DDX59: variants seen among roughly 807,000 people sequenced by gnomAD.
The protein encoded by DDX59 is probable ATP-dependent RNA helicase DDX59.
DDX59 carries 30 observed loss-of-function variants against 51.9 expected under a neutral mutation model. That is an observed-to-expected ratio of 0.58 (90% CI 0.43 to 0.78). The LOEUF (loss-of-function observed/expected upper bound fraction) is 0.78. DDX59 is among the 30% of genes least tolerant of loss of function. The pLI is 0.00. For synonymous variants in DDX59, 255 were observed against 253.3 expected, an observed-to-expected ratio of 1.01 and a Z score of -0.06; for missense variants, 672 against 730.8, an observed-to-expected ratio of 0.92 and a Z score of 0.93.
chr1:200,656,081 C>T (rs1018376527), intron 4 of DDX59, among the ~76,000 whole-genome samples: 1 of 152,200 alleles, frequency 6.6e-6, no homozygotes, highest in Non-Finnish European at 1.5e-5. Flanking sequence ...CCGCCCACCT[C>T]GGCCTCCCAA....
At chr1:200,641,659 C>T (rs1302587984), downstream of DDX59, among the ~76,000 whole-genome samples, 1 of 149,702 alleles carries the variant, frequency 6.7e-6, no homozygotes, top group Non-Finnish European at 1.5e-5. Flanking sequence ...ACCTGAGGTC[C>T]AGAGTTTGAG....
intron 2 of DDX59, among the ~76,000 whole-genome samples, chr1:200,665,686 G>A (rs1332018960): frequency 6.6e-6 from 1 of 152,032 alleles, no homozygotes; most frequent in Non-Finnish European, 1.5e-5. Flanking sequence ...AAAAGAAAAT[G>A]TTTTGTAAGG....
intron 3 of DDX59, among the ~76,000 whole-genome samples, chr1:200,659,530 G>A (rs1662246497): frequency 6.6e-6 from 1 of 152,048 alleles, no homozygotes; most frequent in Non-Finnish European, 1.5e-5. Context: ...CAAGGCACCA[G>A]GAAGGACCTT....
rs1662547403 is a variant in DDX59, at chr1:200,663,978, GCA to G, written c.911_912del (p.Val304AlafsTer20). ...GGTAAGGGTAAGCCCCCTACAAGAA[GCA>G]CAGTTTTCATGCGTGGCAGGCCACT... ...LMSGLPRMKT[V>X]LLVGGLPLPP... On this transcript the variant is annotated frameshift_variant, in exon 3 of 8. Coordinates refer to ENST00000331314, the MANE Select transcript of DDX59 (RefSeq NM_001031725.6). LOFTEE classifies it high-confidence loss of function. 6.2e-7 allele frequency: 1 copy of G among 1,614,160 alleles called. No individual in the cohort carries two copies. Among genetic ancestry groups the G allele is most frequent in the Non-Finnish European group, 8.5e-7 (1 of 1,180,018 alleles).
At chr1:200,655,357 G>A (rs12136672) in intron 4 of DDX59, among the ~76,000 whole-genome samples, 1 of 152,114 alleles carries the variant, frequency 6.6e-6, no homozygotes, top group Non-Finnish European at 1.5e-5. Context: ...TGCCTCCACC[G>A]TGTGACCCCT....
intron 4 of DDX59, among the ~76,000 whole-genome samples, chr1:200,652,170 T>C (rs908303705): frequency 1.3e-5 from 2 of 152,096 alleles, no homozygotes; most frequent in African/African-American, 4.8e-5. Flanking sequence ...GGGTGTTTGT[T>C]TTGAGACAGG....
chr1:200,648,394 A>G, intron 7 of DDX59, 45 bp downstream of exon 7: 4 of 1,607,632 alleles, frequency 2.5e-6, no homozygotes, highest in Non-Finnish European at 3.4e-6. Context: ...GCCTTTCCCA[A>G]TAAAACTCGT....
At chr1:200,669,745 C>G (rs1403669072) in intron 1 of DDX59, 22 bp downstream of exon 1, 1 of 152,450 alleles carries the variant, frequency 6.6e-6, no homozygotes, top group Non-Finnish European at 1.5e-5. Flanking sequence ...GCCAGGGGCC[C>G]AAGCTTCCGG....
In DDX59 at chr1:200,660,081, A is replaced by G. The variant is rs989183102; in HGVS notation, c.973-965T>C. ...TACTGTTGGCCAGTATTTAACTTCT[A>G]TTGTATTTTGAAACCTACAGGTTGT... On this transcript the variant is annotated intron_variant, in intron 3 of 7. Coordinates refer to ENST00000331314, the MANE Select transcript of DDX59 (RefSeq NM_001031725.6). Among the ~76,000 whole-genome samples, 5 of 151,968 alleles carry G rather than the reference A, an allele frequency of 3.3e-5. 1 individual carries two copies. Among genetic ancestry groups the G allele is most frequent in the Non-Finnish European group, 7.4e-5 (5 of 67,994 alleles).
At position 200,666,500 on chromosome 1, in the gene DDX59, C is replaced by T. The variant is rs373594365; in HGVS notation, c.241G>A (p.Ala81Thr). 6.2e-7 allele frequency: 1 copy of T among 1,614,210 alleles called. No individual in the cohort carries two copies. The highest frequency in any genetic ancestry group is 8.5e-7 in the Non-Finnish European group (1 of 1,180,038). Residue 81 changes from alanine (A) to threonine (T), a missense_variant, in exon 2 of 8, where the codon GCG becomes ACG. Ala to Thr is a moderately conservative substitution (Grantham distance 58, BLOSUM62 0). Transcript: ENST00000331314. ...TCTTCAGAAGGATGGCTGTCCTTCG[C>T]ACCCTGCTCGGGACTTACTGAATGA... Reference protein sequence around the residue: ...EVHSVSPEQGAKDSHPSEEPV... With the variant: ...EVHSVSPEQGTKDSHPSEEPV...
chr1:200,668,665 A>G (rs796078462), intron 1 of DDX59, among the ~76,000 whole-genome samples: 1 of 152,180 alleles, frequency 6.6e-6, no homozygotes, highest in African/African-American at 2.4e-5. Flanking sequence ...ATTTGGTGAG[A>G]ATTCCCATCT....
rs572054415 is a variant in DDX59 at position 200,654,172 on chromosome 1, G to A, written c.1063-3496C>T. Among the ~76,000 whole-genome samples the A allele has an allele frequency of 8.5e-5, 13 of 152,238 alleles. 1 individual carries two copies. The South Asian group carries it at 2.5e-3, about 29-fold the overall frequency. The stretch of plus-strand genomic sequence containing the variant: ...CTCAAGCCTGTAATCCCAGCACTTT[G>A]GGAGGCCGAGGCGGGCGGATCACGA... On this transcript the variant is annotated intron_variant, in intron 4 of 7. Coordinates refer to ENST00000331314, the MANE Select transcript of DDX59 (RefSeq NM_001031725.6).
chr1:200,662,523 G>A (rs1459506419), intron 3 of DDX59, among the ~76,000 whole-genome samples: 1 of 152,170 alleles, frequency 6.6e-6, no homozygotes, highest in African/African-American at 2.4e-5. Flanking sequence ...GGGCATGGTG[G>A]TGGGCGCCTG....
At chr1:200,654,744 A>T (rs1661904523) in intron 4 of DDX59, 1 of 152,512 alleles carries the variant, frequency 6.6e-6, no homozygotes. Flanking sequence ...AAGGACAGGT[A>T]TGACAGAAGA....
At chr1:200,663,816 C>A in intron 3 of DDX59, 103 bp downstream of exon 3, 1 of 1,181,544 alleles carries the variant, frequency 8.5e-7, no homozygotes, top group Non-Finnish European at 1.1e-6. Context: ...TTTAAAGGCT[C>A]TCTAAAATCA....
intron 3 of DDX59, among the ~76,000 whole-genome samples, chr1:200,660,830 G>A (rs1662329289): frequency 6.6e-6 from 1 of 152,114 alleles, no homozygotes; most frequent in Non-Finnish European, 1.5e-5. Flanking sequence ...AACAATACTC[G>A]AGTTCAGCAG....
At chr1:200,644,549 T>A (rs374802270) in intron 7 of DDX59, 32 bp from the exon 8 acceptor site, 45 of 1,536,690 alleles carry the variant, frequency 2.9e-5, no homozygotes, top group Non-Finnish European at 2.6e-6. Context: ...ATTTTCAAGA[T>A]GTCCATGTAA....
chr1:200,648,105 C>T (rs1259631200), intron 7 of DDX59, among the ~76,000 whole-genome samples: 1 of 151,348 alleles, frequency 6.6e-6, no homozygotes, highest in Non-Finnish European at 1.5e-5. Flanking sequence ...CTCACTGCAA[C>T]CCCCTCCTGC....
At chr1:200,648,615 G>A (rs1163989078) in intron 6 of DDX59, 48 bp from the exon 7 acceptor site, 1 of 1,566,436 alleles carries the variant, frequency 6.4e-7, no homozygotes, top group East Asian at 2.3e-5. Context: ...TATTTTGTGT[G>A]GTTTTGTGTA....
Sources: allele counts gnomAD v4.1 joint callset (sites outside exome capture counted in the v4.1 genomes callset), GRCh38; gene constraint gnomAD v4.1.1; transcripts MANE v1.5; gene names NCBI Gene and HGNC (gene_info 2026-07-23, HGNC 2026-07-21).